Variants in ATXN7L1 observed in about 807,000 individuals in gnomAD.
ATXN7L1 encodes the protein ataxin 7 like 1, also known as ataxin-7-like protein 1.
A neutral mutation model predicts 70.8 loss-of-function variants in ATXN7L1; 15 were observed. The observed-to-expected ratio is 0.21, with a 90% CI of 0.14 to 0.33. The LOEUF (loss-of-function observed/expected upper bound fraction) is 0.33, where lower values mean the gene tolerates loss of function less well. Among genes scored for constraint, ATXN7L1 ranks in the 10% least tolerant of loss-of-function variants. The pLI, the probability that ATXN7L1 is intolerant of heterozygous loss-of-function variation, is 1.00. For synonymous variants in ATXN7L1, 440 were observed against 445.1 expected (o/e 0.99, Z 0.14); for missense variants, 975 against 1,097.1 (o/e 0.89, Z 1.57).
At chr7:105,824,786 C>A (rs1207509452) in intron 2 of ATXN7L1, among the ~76,000 whole-genome samples, 1 of 151,672 alleles carries the variant, frequency 6.6e-6, no homozygotes, top group Non-Finnish European at 1.5e-5. Context: ...AAGGGCCCAC[C>A]AGTGGAGTGC....
intron 3 of ATXN7L1, among the ~76,000 whole-genome samples, chr7:105,733,592 A>G (rs1563048835): frequency 5.7e-5 from 7 of 122,550 alleles, no homozygotes; most frequent in African/African-American, 2.0e-4. Flanking sequence ...CCATCCATCC[A>G]TCCATCCATC....
chr7:105,841,694 A>C (rs1034907503), intron 2 of ATXN7L1, among the ~76,000 whole-genome samples: 1 of 152,198 alleles, frequency 6.6e-6, no homozygotes, highest in Non-Finnish European at 1.5e-5. Context: ...AAGAATAGTG[A>C]TGCTGGCATA....
intron 3 of ATXN7L1, chr7:105,678,105 T>A: frequency 1.2e-6 from 1 of 809,724 alleles, no homozygotes; most frequent in Non-Finnish European, 1.5e-6. Flanking sequence ...TTTTTTTTTT[T>A]TTTTCCTTTC....
chr7:105,708,834 C>T lies in ATXN7L1; in HGVS notation c.356-43546G>A, dbSNP rs117787715. Among the ~76,000 whole-genome samples, 19 of 152,304 alleles carry T rather than the reference C, an allele frequency of 1.2e-4. No individual in the cohort carries two copies. In the East Asian group the frequency reaches 3.3e-3, roughly 26 times the overall value. On this transcript the variant is annotated intron_variant, in intron 3 of 11. Coordinates refer to ENST00000419735, the MANE Select transcript of ATXN7L1 (RefSeq NM_020725.2). Reference sequence around the variant, plus strand: ...AAGATTTTAGACTTGTTTTGGTGTACATAGTCTCACAAAACCATAGTCACG... The same window carrying T: ...AAGATTTTAGACTTGTTTTGGTGTATATAGTCTCACAAAACCATAGTCACG...
chr7:105,821,485 G>A (rs1171901586), intron 2 of ATXN7L1, among the ~76,000 whole-genome samples: 2 of 152,206 alleles, frequency 1.3e-5, no homozygotes, highest in Admixed American at 1.3e-4. Context: ...GCTAGCAAAG[G>A]AGATCGCTAG....
intron 3 of ATXN7L1, among the ~76,000 whole-genome samples, chr7:105,779,266 T>C (rs773322003): frequency 6.6e-6 from 1 of 152,234 alleles, no homozygotes; most frequent in Non-Finnish European, 1.5e-5. Flanking sequence ...CTTAGGGTGA[T>C]GGCATGATTA....
intron 6 of ATXN7L1, 80 bp downstream of exon 6, chr7:105,639,407 G>A (rs1056801629): frequency 7.2e-6 from 8 of 1,114,494 alleles, no homozygotes; most frequent in Admixed American, 4.0e-5. Context: ...ACACCCTGCC[G>A]TGTGCAGAGA....
intron 8 of ATXN7L1, among the ~76,000 whole-genome samples, chr7:105,623,265 G>C (rs1306308531): frequency 6.6e-6 from 1 of 152,162 alleles, no homozygotes; most frequent in Non-Finnish European, 1.5e-5. Flanking sequence ...AGACAGAGCT[G>C]ATCCTGCAGG....
intron 3 of ATXN7L1, among the ~76,000 whole-genome samples, chr7:105,673,969 G>A (rs1291647474): frequency 6.6e-6 from 1 of 152,238 alleles, no homozygotes; most frequent in African/African-American, 2.4e-5. Context: ...TGATAGGACA[G>A]GCTGCGAATG....
chr7:105,852,602 G>T (rs1020041607), intron 2 of ATXN7L1, among the ~76,000 whole-genome samples: 1 of 152,014 alleles, frequency 6.6e-6, no homozygotes, highest in Non-Finnish European at 1.5e-5. Context: ...ATCCTGCACA[G>T]GGCCCTTCCG....
chr7:105,692,777 AC>A (rs1225629792), intron 3 of ATXN7L1, among the ~76,000 whole-genome samples: 1 of 152,004 alleles, frequency 6.6e-6, no homozygotes, highest in Non-Finnish European at 1.5e-5. Flanking sequence ...TTGCTCTGCC[AC>A]CCAGGCTGAA....
intron 7 of ATXN7L1, among the ~76,000 whole-genome samples, chr7:105,625,069 A>T (rs981918849): frequency 6.6e-6 from 1 of 152,222 alleles, no homozygotes; most frequent in African/African-American, 2.4e-5. Flanking sequence ...ATGCAGTCCT[A>T]TGCATACGTT....
intron 3 of ATXN7L1, among the ~76,000 whole-genome samples, chr7:105,740,999 C>T (rs1442463641): frequency 2.0e-5 from 3 of 151,974 alleles, no homozygotes; most frequent in Non-Finnish European, 2.9e-5. Context: ...CTCCTGACCT[C>T]GTGATCTGCC....
intron 2 of ATXN7L1, among the ~76,000 whole-genome samples, chr7:105,833,373 G>T (rs189005193): frequency 9.9e-5 from 15 of 152,226 alleles, no homozygotes; most frequent in African/African-American, 2.6e-4. Flanking sequence ...GTTAACCCCT[G>T]GAGCCCCTGT....
intron 3 of ATXN7L1, chr7:105,679,024 G>T (rs753096629): frequency 2.1e-6 from 2 of 958,252 alleles, no homozygotes; most frequent in Non-Finnish European, 2.5e-6. Context: ...CGTCCTGTGT[G>T]GCCCTCGTGC....
chr7:105,734,779 T>G (rs1400056567), intron 3 of ATXN7L1, among the ~76,000 whole-genome samples: 1 of 150,264 alleles, frequency 6.7e-6, no homozygotes, highest in Non-Finnish European at 1.5e-5. Context: ...ATTCTAAGTC[T>G]TCCAAACTCT....
chr7:105,656,742 T>C (rs531296798), intron 4 of ATXN7L1, among the ~76,000 whole-genome samples: 99 of 152,304 alleles, frequency 6.5e-4, no homozygotes, highest in Admixed American at 3.5e-3. Flanking sequence ...GGCTAATTTT[T>C]GTACTTTTAG....
chr7:105,638,756 C>T (rs1797731616), intron 6 of ATXN7L1, 147 bp from the exon 7 acceptor site: 2 of 1,089,950 alleles, frequency 1.8e-6, no homozygotes, highest in Admixed American at 2.9e-5. Flanking sequence ...TGTTCTGTGG[C>T]TAGGAAGAGG....
At chr7:105,725,659 C>T (rs1563040187) in intron 3 of ATXN7L1, among the ~76,000 whole-genome samples, 1 of 151,342 alleles carries the variant, frequency 6.6e-6, no homozygotes, top group Admixed American at 6.6e-5. Context: ...TGGCTCACTG[C>T]AACCTCCCCC....
Sources: allele counts gnomAD v4.1 joint callset (sites outside exome capture counted in the v4.1 genomes callset), GRCh38; gene constraint gnomAD v4.1.1; transcripts MANE v1.5; gene names NCBI Gene and HGNC (gene_info 2026-07-23, HGNC 2026-07-21).